KIAA1549: variants seen among roughly 807,000 people sequenced by gnomAD.
The protein encoded by KIAA1549 is KIAA1549.
In KIAA1549, 70 loss-of-function variants were observed where a neutral mutation model predicts 156.4. The ratio of observed to expected loss-of-function variants is 0.45; its 90% CI spans 0.37 to 0.55. The LOEUF (loss-of-function observed/expected upper bound fraction) is 0.55. Ranked by LOEUF, KIAA1549 falls within the 20% of genes least tolerant of loss-of-function variation. The probability of loss-of-function intolerance (pLI) is 0.00; values close to 1 mark genes in which losing one functional copy is unlikely to be tolerated. For missense variants in KIAA1549, 2,428 were observed against 2,540.9 expected (o/e 0.96, Z 0.96); for synonymous variants, 1,103 against 1,066.4 (o/e 1.03, Z -0.67).
chr7:138,940,262 G>A (rs1055194469), intron 1 of KIAA1549, among the ~76,000 whole-genome samples: 3 of 136,094 alleles, frequency 2.2e-5, no homozygotes, highest in African/African-American at 9.8e-5. Flanking sequence ...AGAACATGTG[G>A]TGTTTGGTTT....
Position 138,918,613 on chromosome 7 carries a change from G to C in KIAA1549, c.1013C>G (p.Ser338Cys), listed in dbSNP as rs1812429788. ...VLSQSLEETI[S>C]PRTYPTVTAS... ...AGTCACAGTGGGGTATGTTCTTGGA[G>C]AGATGGTTTCTTCTAGGCTTTGACT... is the stretch of plus-strand genomic sequence containing the variant. The change falls in exon 2 of 20, where the codon TCT becomes TGT. Residue 338 changes from serine (S) to cysteine (C), a missense_variant. Coordinates refer to ENST00000422774, the MANE Select transcript of KIAA1549 (RefSeq NM_001164665.2). The surrounding 1 kb of genome is among the most constrained non-coding windows in gnomAD (Gnocchi z 4.2). 2 of 1,613,984 alleles carry C rather than the reference G, an allele frequency of 1.2e-6. No individual in the cohort carries two copies. Among genetic ancestry groups the C allele is most frequent in the Non-Finnish European group, 1.7e-6 (2 of 1,179,900 alleles).
At chr7:138,976,103 G>C (rs777614608) in intron 1 of KIAA1549, among the ~76,000 whole-genome samples, 2 of 152,078 alleles carry the variant, frequency 1.3e-5, no homozygotes, top group Non-Finnish European at 2.9e-5. Flanking sequence ...TTGAGATGGA[G>C]TCTTGCTCTG....
intron 15 of KIAA1549, 39 bp from the exon 16 acceptor site, chr7:138,861,495 T>G (rs1221630781): frequency 4.6e-6 from 7 of 1,515,530 alleles, no homozygotes; most frequent in Non-Finnish European, 6.3e-6. Flanking sequence ...CACACATGAG[T>G]TTTTGTGGCA....
At position 138,834,792 on chromosome 7, in the gene KIAA1549, A is replaced by C. The variant is rs1490947173; in HGVS notation, c.*3114T>G. The stretch of plus-strand genomic sequence containing the variant: ...AGGGCGTCCACATAGACAGCATGCT[A>C]CATTTTCACAGTGCTTTATGCTCCC... On this transcript the variant is annotated 3_prime_UTR_variant, in exon 20 of 20. Coordinates refer to ENST00000422774, the MANE Select transcript of KIAA1549 (RefSeq NM_001164665.2). The C allele has an allele frequency of 4.3e-6, 1 of 232,304 alleles. No homozygotes were observed. The highest frequency in any genetic ancestry group is 2.2e-5 in the African/African-American group (1 of 45,266). The allele number at this position is 232,304 out of a possible 1,614,324, so 14.4% of individuals were successfully genotyped here. A position where few individuals can be genotyped will look rare whatever the true frequency, so the allele number is the denominator to read the frequency against.
At chr7:138,896,232 C>T (rs1811680817) in intron 9 of KIAA1549, among the ~76,000 whole-genome samples, 1 of 152,154 alleles carries the variant, frequency 6.6e-6, no homozygotes, top group African/African-American at 2.4e-5. Context: ...CCTTTCATAC[C>T]CTATGATGGT....
chr7:138,896,119 C>T (rs1323607524), intron 9 of KIAA1549, among the ~76,000 whole-genome samples: 6 of 152,148 alleles, frequency 3.9e-5, no homozygotes, highest in South Asian at 2.1e-4. Context: ...ATGGATAATC[C>T]GTGAAGTGCT....
At chr7:138,933,858 C>T (rs999722772) in intron 1 of KIAA1549, among the ~76,000 whole-genome samples, 1 of 152,074 alleles carries the variant, frequency 6.6e-6, no homozygotes. Context: ...CCCAGCTACT[C>T]GGGAGGCTGA....
chr7:138,960,771 G>A (rs1359550315), intron 1 of KIAA1549, among the ~76,000 whole-genome samples: 3 of 152,002 alleles, frequency 2.0e-5, no homozygotes, highest in African/African-American at 2.4e-5. Context: ...CATATTGCAC[G>A]TGCTTTTCTC....
chr7:138,856,266 C>A (rs1584706420), intron 16 of KIAA1549, among the ~76,000 whole-genome samples: 1 of 151,928 alleles, frequency 6.6e-6, no homozygotes, highest in East Asian at 1.9e-4. Flanking sequence ...TCTCGATCTC[C>A]TGACCTCGTG....
chr7:138,849,885 G>T (rs1476350573), intron 17 of KIAA1549, among the ~76,000 whole-genome samples: 1 of 152,164 alleles, frequency 6.6e-6, no homozygotes, highest in African/African-American at 2.4e-5. Context: ...TCCTGCAAAA[G>T]ACATGATTTC....
At chr7:138,890,739 T>G (rs1329557103) in intron 10 of KIAA1549, among the ~76,000 whole-genome samples, 1 of 152,226 alleles carries the variant, frequency 6.6e-6, no homozygotes, top group African/African-American at 2.4e-5. Context: ...ACAGAGCCTC[T>G]TTTCAATTCA....
Position 138,917,022 on chromosome 7 carries a change from T to A in KIAA1549, c.2604A>T (p.Pro868=), listed in dbSNP as rs1785194956. The A allele has an allele frequency of 1.2e-6, 2 of 1,604,940 alleles. No homozygotes were observed. The highest frequency in any genetic ancestry group is 4.5e-5 in the East Asian group (2 of 44,826). ...GTGGCACCTCTGTGGGTGTGAGTGA[T>A]GGGCCCACGACGGTCAGCTCTGTGG... ...PLPTELTVVG[P]SLTPTEVPLN... The change falls in exon 2 of 20, where the codon CCA becomes CCT. Residue 868 remains proline, a synonymous_variant. Coordinates refer to ENST00000422774, the MANE Select transcript of KIAA1549 (RefSeq NM_001164665.2).
At chr7:138,973,691 C>T (rs920466837) in intron 1 of KIAA1549, among the ~76,000 whole-genome samples, 4 of 152,236 alleles carry the variant, frequency 2.6e-5, no homozygotes, top group African/African-American at 9.6e-5. Flanking sequence ...ATCACCCAGG[C>T]TGGAGTGCAG....
chr7:138,899,252 G>T, intron 8 of KIAA1549, 120 bp from the exon 9 acceptor site: 2 of 889,550 alleles, frequency 2.2e-6, no homozygotes, highest in Non-Finnish European at 3.6e-6. Flanking sequence ...AATAAGCTCC[G>T]TAAGCCATTC....
chr7:138,932,006 G>C (rs1393766956), intron 1 of KIAA1549, among the ~76,000 whole-genome samples: 1 of 152,090 alleles, frequency 6.6e-6, no homozygotes, highest in Non-Finnish European at 1.5e-5. Flanking sequence ...GTGTGCAGGA[G>C]ACATGAAGGC....
intron 1 of KIAA1549, among the ~76,000 whole-genome samples, chr7:138,940,903 T>C (rs1456361143): frequency 2.0e-5 from 3 of 152,206 alleles, no homozygotes; most frequent in African/African-American, 7.2e-5. Flanking sequence ...TCTTTGTAGA[T>C]TCTGGATATT....
intron 1 of KIAA1549, among the ~76,000 whole-genome samples, chr7:138,977,794 G>C (rs1814424813): frequency 6.6e-6 from 1 of 152,050 alleles, no homozygotes; most frequent in Non-Finnish European, 1.5e-5. Context: ...CTGCCTCCCT[G>C]GTTCGAGCAA....
intron 16 of KIAA1549, among the ~76,000 whole-genome samples, chr7:138,858,276 T>A (rs1810452103): frequency 6.6e-6 from 1 of 151,972 alleles, no homozygotes; most frequent in Non-Finnish European, 1.5e-5. Flanking sequence ...TTATATTTTT[T>A]GTAGAGACAG....
At chr7:138,903,511 A>T (rs1811900900) in intron 8 of KIAA1549, 77 bp downstream of exon 8, 1 of 1,421,100 alleles carries the variant, frequency 7.0e-7, no homozygotes, top group Non-Finnish European at 9.6e-7. Flanking sequence ...ACAGGGTTTT[A>T]GATGGAGTGT....
Sources: allele counts gnomAD v4.1 joint callset (sites outside exome capture counted in the v4.1 genomes callset), GRCh38; gene constraint gnomAD v4.1.1; non-coding constraint Gnocchi (gnomAD v3.1); transcripts MANE v1.5; gene names NCBI Gene and HGNC (gene_info 2026-07-23, HGNC 2026-07-21).